Variants in ANTXR2 observed in about 807,000 individuals in gnomAD.
ANTXR2 encodes the protein ANTXR cell adhesion molecule 2.
Under a neutral mutation model 73.7 loss-of-function variants are expected in ANTXR2, and 44 were observed. The ratio of observed to expected loss-of-function variants is 0.60; its 90% CI spans 0.47 to 0.77. ANTXR2 has a LOEUF of 0.77. Ranked by LOEUF, ANTXR2 falls within the 30% of genes least tolerant of loss-of-function variation. The pLI, the probability that ANTXR2 is intolerant of heterozygous loss-of-function variation, is 0.00. For missense variants in ANTXR2, 604 were observed against 592.5 expected, an observed-to-expected ratio of 1.02 and a Z score of -0.20; for synonymous variants, 217 against 205.9, an observed-to-expected ratio of 1.05 and a Z score of -0.46.
chr4:79,977,643 A>T lies in ANTXR2; in HGVS notation c.1406T>A (p.Met469Lys). 1 of 1,580,408 alleles carries T rather than the reference A, an allele frequency of 6.3e-7. No individual in the cohort carries two copies. Residue 469 changes from methionine (M) to lysine (K), a missense_variant, in exon 16 of 17, where the codon ATG (methionine) becomes AAG (lysine). Transcript: ENST00000403729. Reference protein sequence around the residue: ...LRRQYDRVSLMRPQEGDEGRC... With the variant: ...LRRQYDRVSLKRPQEGDEGRC... ...AACCTCATCTCCTTCCTGAGGTCGCATCAAAGAAACCCGGTCATACTGCCG... is the reference window on the plus strand; with the variant it reads ...AACCTCATCTCCTTCCTGAGGTCGCTTCAAAGAAACCCGGTCATACTGCCG...
Position 79,906,438 on chromosome 4 carries a change from G to T in ANTXR2, c.*991C>A, listed in dbSNP as rs932568979. On this transcript the variant is annotated 3_prime_UTR_variant, in exon 17 of 17. Coordinates refer to ENST00000403729, the MANE Select transcript of ANTXR2 (RefSeq NM_058172.6). ...AAACTTTGAAATTTTAATGCAAAGAGAGTTGCTGGCTTGTGACGCTGAAGA... is the reference window on the plus strand; with the variant it reads ...AAACTTTGAAATTTTAATGCAAAGATAGTTGCTGGCTTGTGACGCTGAAGA... The T allele has an allele frequency of 6.6e-6, 1 of 152,588 alleles. No homozygotes were observed. Among genetic ancestry groups the T allele is most frequent in the Non-Finnish European group, 1.5e-5 (1 of 68,030 alleles). 9.5% of individuals were successfully genotyped at this position (152,588 alleles called of 1,614,324 possible).
intron 11 of ANTXR2, among the ~76,000 whole-genome samples, chr4:80,012,340 CTT>C (rs36013008): frequency 1.2e-4 from 17 of 146,528 alleles, no homozygotes; most frequent in East Asian, 9.8e-4. Flanking sequence ...AAGCTAATAC[CTT>C]TTTTTTTTTT....
At chr4:80,040,705 T>G (rs1028042194) in intron 7 of ANTXR2, among the ~76,000 whole-genome samples, 1 of 151,590 alleles carries the variant, frequency 6.6e-6, no homozygotes, top group African/African-American at 2.4e-5. Context: ...AATGCAAAAT[T>G]TCATCATTTG....
At chr4:80,014,080 ATCT>A (rs1560990461) in intron 11 of ANTXR2, among the ~76,000 whole-genome samples, 1 of 151,946 alleles carries the variant, frequency 6.6e-6, no homozygotes, top group Non-Finnish European at 1.5e-5. Context: ...TTGGAATTCT[ATCT>A]TCCTTTGTCT....
chr4:80,012,724 A>G (rs1344251490), intron 11 of ANTXR2, among the ~76,000 whole-genome samples: 1 of 152,210 alleles, frequency 6.6e-6, no homozygotes, highest in African/African-American at 2.4e-5. Flanking sequence ...ACAACCTTTC[A>G]GAGCCTCCAG....
intron 16 of ANTXR2, among the ~76,000 whole-genome samples, chr4:79,958,410 GA>G (rs1729006323): frequency 6.6e-6 from 1 of 152,112 alleles, no homozygotes; most frequent in South Asian, 2.1e-4. Context: ...GCCAGAGCAT[GA>G]AAAGTGTATT....
At chr4:80,024,009 G>T (rs1022841770) in intron 10 of ANTXR2, among the ~76,000 whole-genome samples, 5 of 152,156 alleles carry the variant, frequency 3.3e-5, no homozygotes, top group Admixed American at 6.5e-5. Context: ...TTCAAAAGTA[G>T]AAAGACCAGT....
intron 12 of ANTXR2, among the ~76,000 whole-genome samples, chr4:80,001,792 A>C (rs1731053862): frequency 6.6e-6 from 1 of 151,138 alleles, no homozygotes. Context: ...TGATCCCTTT[A>C]CCGTTATGTA....
intron 10 of ANTXR2, among the ~76,000 whole-genome samples, chr4:80,023,369 T>C (rs1347694532): frequency 6.6e-6 from 1 of 152,222 alleles, no homozygotes; most frequent in African/African-American, 2.4e-5. Flanking sequence ...TATCTGCCAA[T>C]AAAATCACTC....
chr4:79,958,627 T>C (rs1169695252), intron 16 of ANTXR2, among the ~76,000 whole-genome samples: 1 of 152,118 alleles, frequency 6.6e-6, no homozygotes, highest in Non-Finnish European at 1.5e-5. Flanking sequence ...GCTTTTTGTA[T>C]CTGAGATTAA....
At chr4:80,041,678 C>T (rs1226832133) in intron 7 of ANTXR2, among the ~76,000 whole-genome samples, 1 of 152,036 alleles carries the variant, frequency 6.6e-6, no homozygotes, top group Non-Finnish European at 1.5e-5. Flanking sequence ...TCCATGTGAC[C>T]TCACAATTCA....
At chr4:80,037,975 G>A (rs187659665) in intron 7 of ANTXR2, among the ~76,000 whole-genome samples, 34 of 152,130 alleles carry the variant, frequency 2.2e-4, no homozygotes, top group Non-Finnish European at 4.1e-4. Context: ...TCTTATTAAG[G>A]AGACTAATTG....
chr4:79,905,192 T>A lies in ANTXR2; in HGVS notation c.*2237A>T, dbSNP rs1264328217. On this transcript the variant is annotated 3_prime_UTR_variant, in exon 17 of 17. Coordinates refer to ENST00000403729, the MANE Select transcript of ANTXR2 (RefSeq NM_058172.6). The stretch of plus-strand genomic sequence containing the variant: ...AGCAAAATGTAAGTATGCTACATAA[T>A]TCTAGAGAAATTTGAAGTAGTTACC... 2.0e-5 allele frequency: 3 copies of A among 152,212 alleles called. No individual in the cohort carries two copies. Among genetic ancestry groups the A allele is most frequent in the Non-Finnish European group, 4.4e-5 (3 of 68,038 alleles). The allele number at this position is 152,212 out of a possible 1,614,324, so 9.4% of individuals were successfully genotyped here.
chr4:80,029,744 A>C (rs1732602564), intron 10 of ANTXR2, among the ~76,000 whole-genome samples: 1 of 151,844 alleles, frequency 6.6e-6, no homozygotes, highest in Non-Finnish European at 1.5e-5. Context: ...CTAAGTTCAC[A>C]TACAGTTCTA....
intron 9 of ANTXR2, among the ~76,000 whole-genome samples, chr4:80,032,014 T>C (rs1732722745): frequency 6.6e-6 from 1 of 151,776 alleles, no homozygotes; most frequent in Admixed American, 6.6e-5. Context: ...ATGCTCCGTA[T>C]TATTTTAAAA....
Position 80,069,432 on chromosome 4 carries a change from T to G in ANTXR2, c.296+4A>C. ...AGCCTGCAGTGAAATGATAATGCAC[T>G]AACCTGTCTCCAGTTAATGGCAAAA... is the stretch of plus-strand genomic sequence containing the variant. On this transcript the variant is annotated splice_donor_region_variant and intron_variant, in intron 3 of 16. Transcript: ENST00000403729. 1 of 1,580,492 alleles carries G rather than the reference T, an allele frequency of 6.3e-7. No homozygotes were observed. Among genetic ancestry groups the G allele is most frequent in the Non-Finnish European group, 8.7e-7 (1 of 1,153,650 alleles).
At chr4:80,062,760 T>C (rs948054826) in intron 3 of ANTXR2, among the ~76,000 whole-genome samples, 1 of 151,992 alleles carries the variant, frequency 6.6e-6, no homozygotes, top group Non-Finnish European at 1.5e-5. Flanking sequence ...ACCCAGAGAG[T>C]GTGAATACAG....
chr4:79,956,101 T>A (rs1728876764), intron 16 of ANTXR2, among the ~76,000 whole-genome samples: 1 of 152,194 alleles, frequency 6.6e-6, no homozygotes, highest in South Asian at 2.1e-4. Context: ...TCTTGTGATG[T>A]AAAAATTCCT....
At chr4:79,912,568 G>A (rs1428008039) in intron 16 of ANTXR2, among the ~76,000 whole-genome samples, 1 of 152,012 alleles carries the variant, frequency 6.6e-6, no homozygotes, top group Non-Finnish European at 1.5e-5. Flanking sequence ...GAACTCTTGT[G>A]CATTGCTAGT....
Sources: gnomAD v4.1 joint callset for allele counts (sites outside exome capture counted in the v4.1 genomes callset) on GRCh38, gnomAD v4.1.1 for gene constraint, MANE v1.5 for transcripts, NCBI Gene and HGNC (gene_info 2026-07-23, HGNC 2026-07-21) for gene names.